Variants in WWC1 observed in about 807,000 individuals in gnomAD.
The protein encoded by WWC1 is WW and C2 domain containing 1.
Under a neutral mutation model 138.4 loss-of-function variants are expected in WWC1, and 55 were observed. The ratio of observed to expected loss-of-function variants is 0.40; its 90% confidence interval spans 0.32 to 0.50. WWC1 has a LOEUF of 0.50. WWC1 is among the 20% of genes least tolerant of loss of function. WWC1 has a pLI of 0.72. For synonymous variants in WWC1, 524 were observed against 564.9 expected (o/e 0.93, Z 1.03); for missense variants, 1,226 against 1,420.4 (o/e 0.86, Z 2.20).
chr5:168,386,390 T>C (rs1299844477), intron 3 of WWC1, among the ~76,000 whole-genome samples: 1 of 148,116 alleles, frequency 6.8e-6, no homozygotes, highest in Non-Finnish European at 1.5e-5. Flanking sequence ...TTTTTTTTTT[T>C]CTTTTTCTTT....
At chr5:168,447,552 C>T (rs1392420287) in intron 17 of WWC1, among the ~76,000 whole-genome samples, 1 of 151,190 alleles carries the variant, frequency 6.6e-6, no homozygotes, top group Non-Finnish European at 1.5e-5. Context: ...ATTTTTTTTT[C>T]AGCCATTTTA....
chr5:168,464,997 C>A, intron 21 of WWC1, 35 bp downstream of exon 21: 1 of 1,608,528 alleles, frequency 6.2e-7, no homozygotes, highest in East Asian at 2.2e-5. Context: ...GAGCCCTGCG[C>A]TCTGCCCCAG....
chr5:168,328,167 C>A (rs770873868), intron 1 of WWC1, among the ~76,000 whole-genome samples: 4 of 152,188 alleles, frequency 2.6e-5, no homozygotes, highest in Non-Finnish European at 5.9e-5. Flanking sequence ...AAGTTGCAGC[C>A]TTGGGAGCAT....
chr5:168,331,470 G>A (rs1486554641), intron 1 of WWC1, among the ~76,000 whole-genome samples: 2 of 152,174 alleles, frequency 1.3e-5, no homozygotes, highest in African/African-American at 4.8e-5. Context: ...GGGTCATGCT[G>A]GAATTTGAGT....
intron 1 of WWC1, among the ~76,000 whole-genome samples, chr5:168,308,629 C>A (rs1210744337): frequency 6.6e-6 from 1 of 152,124 alleles, no homozygotes; most frequent in East Asian, 1.9e-4. Context: ...AATGCAGGTT[C>A]CAAGGCCCTA....
At chr5:168,342,898 G>T (rs988680281) in intron 1 of WWC1, among the ~76,000 whole-genome samples, 7 of 152,168 alleles carry the variant, frequency 4.6e-5, no homozygotes, top group Non-Finnish European at 1.0e-4. Flanking sequence ...GGGCAGTAGG[G>T]TTTATCCAAG....
At chr5:168,371,314 T>G in intron 1 of WWC1, 110 bp from the exon 2 acceptor site, 1 of 711,456 alleles carries the variant, frequency 1.4e-6, no homozygotes, top group Non-Finnish European at 2.5e-6. Flanking sequence ...GTGTAAAACT[T>G]TTGGATCTGT....
At chr5:168,403,104 C>CTTTTCTTTCTTTTCTTTCTTTCT (rs1448113615) in intron 5 of WWC1, among the ~76,000 whole-genome samples, 1 of 121,308 alleles carries the variant, frequency 8.2e-6, no homozygotes, top group African/African-American at 3.0e-5. Flanking sequence ...TTCTTTCTTT[C>CTTTTCTTTCTTTTCTTTCTTTCT]TTTCTTTTCT....
chr5:168,464,674 G>A (rs752764554), intron 20 of WWC1, 55 bp from the exon 21 acceptor site: 1 of 1,605,952 alleles, frequency 6.2e-7, no homozygotes, highest in Non-Finnish European at 8.5e-7. Flanking sequence ...AAGAGGCTGG[G>A]TGGGCTCACT....
intron 1 of WWC1, among the ~76,000 whole-genome samples, chr5:168,311,954 C>G (rs2337215): frequency 0.35 from 52,393 of 151,274 alleles, 9,405 homozygotes; most frequent in Admixed American, 0.41. Context: ...AAGGCTGAAG[C>G]AGGAGAATCT....
intron 17 of WWC1, among the ~76,000 whole-genome samples, chr5:168,452,158 G>T (rs1755892309): frequency 6.6e-6 from 1 of 152,048 alleles, no homozygotes; most frequent in Non-Finnish European, 1.5e-5. Flanking sequence ...CGCCCACCTT[G>T]GCCACCCAAA....
rs78191598 is a variant in WWC1 at position 168,462,853 on chromosome 5, C to T, written c.2917-1876C>T. 4.1e-4 allele frequency among the ~76,000 whole-genome samples: 62 copies of T among 152,326 alleles called. 2 individuals are homozygous for T. The East Asian group carries it at 0.011, about 27-fold the overall frequency. ...TGCCCAACTTCTGAGACTGGACAGACGAAGCAAAAGAATCTTTATTTGTTG... is the reference window on the plus strand; with the variant it reads ...TGCCCAACTTCTGAGACTGGACAGATGAAGCAAAAGAATCTTTATTTGTTG... On this transcript the variant is annotated intron_variant, in intron 20 of 22. Coordinates refer to ENST00000265293, the MANE Select transcript of WWC1 (RefSeq NM_015238.3).
intron 1 of WWC1, among the ~76,000 whole-genome samples, chr5:168,331,267 A>G (rs761357606): frequency 2.0e-5 from 3 of 152,364 alleles, no homozygotes; most frequent in Admixed American, 6.5e-5. Flanking sequence ...ACAGTAGTTT[A>G]TATGTTTAAA....
At chr5:168,466,510 T>G (rs1382208000) in intron 21 of WWC1, among the ~76,000 whole-genome samples, 1 of 152,074 alleles carries the variant, frequency 6.6e-6, no homozygotes, top group African/African-American at 2.4e-5. Context: ...TGAATACAGG[T>G]GGTGATGCCC....
chr5:168,322,981 G>A (rs1029634185), intron 1 of WWC1, among the ~76,000 whole-genome samples: 3 of 152,228 alleles, frequency 2.0e-5, no homozygotes, highest in African/African-American at 7.2e-5. Context: ...CCAGCCAACA[G>A]TAGAAAAGGT....
chr5:168,441,393 G>A (rs1483552963), intron 15 of WWC1, among the ~76,000 whole-genome samples: 6 of 152,070 alleles, frequency 3.9e-5, no homozygotes, highest in African/African-American at 1.2e-4. Flanking sequence ...ACTTAAAAGC[G>A]GCAAAGATGG....
intron 1 of WWC1, among the ~76,000 whole-genome samples, chr5:168,358,378 C>A (rs1775618717): frequency 6.6e-6 from 1 of 152,222 alleles, no homozygotes; most frequent in Non-Finnish European, 1.5e-5. Flanking sequence ...AGGATCCACT[C>A]CTCTGGCTGC....
chr5:168,363,278 T>C (rs4976596), intron 1 of WWC1, among the ~76,000 whole-genome samples: 112,763 of 151,868 alleles, frequency 0.74, 42,128 homozygotes, highest in East Asian at 0.86. Context: ...AATCCCAGAA[T>C]TTTGGGAGGC....
chr5:168,422,097 G>A lies in WWC1; in HGVS notation c.1274G>A (p.Ser425Asn), dbSNP rs759176228. The A allele has an allele frequency of 1.2e-6, 2 of 1,612,556 alleles. No individual in the cohort carries two copies. The highest frequency in any genetic ancestry group is 1.1e-5 in the South Asian group (1 of 90,792). Residue 425 changes from serine (S) to asparagine (N), a missense_variant and splice_region_variant, in exon 10 of 23, where the codon AGT becomes AAT. Transcript: ENST00000265293. ...GCAACTCTGCACTCCCAGCTGAAAA[G>A]GTGAGTGGTGGGCGGTGAGGCCACT... Reference protein sequence around the residue: ...QVATLHSQLKSLSSSMQSLSS... With the variant: ...QVATLHSQLKNLSSSMQSLSS...
Sources: gnomAD v4.1 joint callset for allele counts (sites outside exome capture counted in the v4.1 genomes callset) on GRCh38, gnomAD v4.1.1 for gene constraint, MANE v1.5 for transcripts, NCBI Gene and HGNC (gene_info 2026-07-23, HGNC 2026-07-21) for gene names.